Variants in BANP observed in about 807,000 individuals in gnomAD.
The protein encoded by BANP is protein BANP.
A neutral mutation model predicts 68.1 loss-of-function variants in BANP; 11 were observed. The observed-to-expected ratio is 0.16, with a 90% CI of 0.10 to 0.27. BANP has a LOEUF of 0.27. BANP is among the 10% of genes least tolerant of loss of function. The probability of loss-of-function intolerance (pLI) is 1.00; values close to 1 mark genes in which losing one functional copy is unlikely to be tolerated. For synonymous variants in BANP, 329 were observed against 303.2 expected (o/e 1.09, Z -0.88); for missense variants, 504 against 722.7 (o/e 0.70, Z 3.47).
intron 12 of BANP, 54 bp downstream of exon 12, chr16:88,065,386 C>CT (rs2152892965): frequency 2.8e-6 from 2 of 715,884 alleles, no homozygotes; most frequent in South Asian, 1.5e-5. Context: ...GGAGGAGTCT[C>CT]TGCTTTTAAA....
In BANP at chr16:88,035,331, G is replaced by A; in HGVS notation, c.1209G>A (p.Gln403=). 6.2e-7 allele frequency: 1 copy of A among 1,610,698 alleles called. No individual in the cohort carries two copies. The highest frequency in any genetic ancestry group is 8.5e-7 in the Non-Finnish European group (1 of 1,178,838). ...GTCTTTTCTTGCTGCGGATCCCACA[G>A]GGACACCTCCACATCGCCCAGGTGC... ...GEDGQVQVIP[Q]GHLHIAQVPQ... Residue 403 remains glutamine, a synonymous_variant, in exon 10 of 14, where the codon CAG becomes CAA. Coordinates refer to ENST00000682872, the MANE Select transcript of BANP (RefSeq NM_001386991.1).
At chr16:87,955,517 G>A (rs1025858420) in intron 1 of BANP, among the ~76,000 whole-genome samples, 5 of 152,174 alleles carry the variant, frequency 3.3e-5, no homozygotes, top group Non-Finnish European at 5.9e-5. Context: ...GCATTATTGC[G>A]TAAATGACAG....
intron 12 of BANP, among the ~76,000 whole-genome samples, chr16:88,070,125 A>C (rs1463340362): frequency 6.6e-6 from 1 of 152,230 alleles, no homozygotes; most frequent in Non-Finnish European, 1.5e-5. Flanking sequence ...CTATTAGAGG[A>C]ATACAGGTGA....
chr16:87,949,674 T>A (rs182563065), upstream of BANP: 1 of 151,698 alleles, frequency 6.6e-6, no homozygotes, highest in Non-Finnish European at 1.5e-5. Context: ...CTCCTTGGAG[T>A]GTTTGTAAGG....
At chr16:88,012,218 G>A (rs1225756158) in intron 6 of BANP, among the ~76,000 whole-genome samples, 3 of 152,224 alleles carry the variant, frequency 2.0e-5, no homozygotes, top group Admixed American at 1.3e-4. Flanking sequence ...GACACAGCCC[G>A]GTGCTGCCTT....
At chr16:88,049,338 G>A (rs115758008) in intron 11 of BANP, among the ~76,000 whole-genome samples, 3 of 152,262 alleles carry the variant, frequency 2.0e-5, no homozygotes, top group East Asian at 1.9e-4. Context: ...CATAGGCTAC[G>A]GGTGTGGAGA....
intron 12 of BANP, among the ~76,000 whole-genome samples, chr16:88,067,746 C>G (rs942546956): frequency 2.8e-4 from 42 of 152,168 alleles, no homozygotes; most frequent in Non-Finnish European, 4.7e-4. Context: ...TCCTGGTCCT[C>G]CACCCTTTCA....
chr16:88,067,218 C>T (rs980154082), intron 12 of BANP, among the ~76,000 whole-genome samples: 1 of 152,142 alleles, frequency 6.6e-6, no homozygotes, highest in Non-Finnish European at 1.5e-5. Flanking sequence ...GTGGAGTGGC[C>T]GACTGGCTTG....
chr16:88,027,642 G>A lies in BANP; in HGVS notation c.1055G>A (p.Cys352Tyr), dbSNP rs1232117178. The change falls in exon 8 of 14, where the codon TGC becomes TAC. Residue 352 changes from cysteine to tyrosine, a missense_variant. Cys to Tyr is a radical substitution (Grantham distance 194). Coordinates refer to ENST00000682872, the MANE Select transcript of BANP (RefSeq NM_001386991.1). Reference protein sequence around the residue: ...SRRTPNSSSYCPSEPMMSTPP... With the variant: ...SRRTPNSSSYYPSEPMMSTPP... ...AGAACGCCCAACTCGTCCTCCTACT[G>A]CCCTTCAGGTAGGCCTCGTGCTGCA... The A allele has an allele frequency of 1.2e-6, 2 of 1,613,136 alleles. No homozygotes were observed. Among genetic ancestry groups the A allele is most frequent in the African/African-American group, 2.7e-5 (2 of 74,910 alleles).
intron 8 of BANP, among the ~76,000 whole-genome samples, chr16:88,028,713 T>C (rs560947213): frequency 1.3e-4 from 20 of 152,244 alleles, no homozygotes; most frequent in Non-Finnish European, 2.8e-4. Context: ...TGTAGCAGCG[T>C]AACCTGTGGC....
At position 88,058,541 on chromosome 16, in the gene BANP, T is replaced by TGACA. The variant is rs150989004; in HGVS notation, c.1312-6724_1312-6721dup. 5.6e-3 allele frequency among the ~76,000 whole-genome samples: 859 copies of TGACA among 152,298 alleles called. 11 individuals carry two copies. The highest frequency in any genetic ancestry group is 0.02 in the African/African-American group (811 of 41,550). On this transcript the variant is annotated intron_variant, in intron 11 of 13. Coordinates refer to ENST00000682872, the MANE Select transcript of BANP (RefSeq NM_001386991.1). The stretch of plus-strand genomic sequence containing the variant: ...GGGATTCCTCTTCACTCTGACCACC[T>TGACA]GACAGGCTGTTTCCTCTCACACAGG...
chr16:88,035,235 A>T lies in BANP; in HGVS notation c.1201-88A>T, dbSNP rs538066065. ...TATCTTTTTGAATTGTAAACAGATA[A>T]TCAAGAACAAACATTCCGGAAGATG... is the stretch of plus-strand genomic sequence containing the variant. On this transcript the variant is annotated intron_variant, in intron 9 of 13. Transcript: ENST00000682872. 1.4e-4 allele frequency: 165 copies of T among 1,207,716 alleles called. No individual in the cohort carries two copies. In the African/African-American group the frequency reaches 2.3e-3, roughly 17 times the overall value. The allele number at this position is 1,207,716 out of a possible 1,614,324, so 74.8% of individuals were successfully genotyped here.
At position 87,975,174 on chromosome 16, in the gene BANP, C is replaced by G. The variant is rs758690386; in HGVS notation, c.59C>G (p.Pro20Arg). The change falls in exon 2 of 14, where the codon CCT becomes CGT. Residue 20 changes from proline to arginine, a missense_variant. Physicochemically the swap from Pro to Arg is moderately radical, Grantham distance 103. Transcript: ENST00000682872. ...VVQIAVEDLS[P>R]DHPVVLENHV... The stretch of plus-strand genomic sequence containing the variant: ...CAGATTGCAGTGGAAGACCTGAGCC[C>G]TGACCACCCAGGTACAGAGCTGTGG... 16 of 1,614,034 alleles carry G rather than the reference C, an allele frequency of 9.9e-6. No individual in the cohort carries two copies. The highest frequency in any genetic ancestry group is 1.6e-4 in the Middle Eastern group (1 of 6,084).
chr16:88,050,792 A>G (rs1037415516), intron 11 of BANP, among the ~76,000 whole-genome samples: 1 of 152,026 alleles, frequency 6.6e-6, no homozygotes, highest in Admixed American at 6.6e-5. Flanking sequence ...GGTTCAAGCA[A>G]TCCTCCCACC....
intron 11 of BANP, among the ~76,000 whole-genome samples, chr16:88,052,355 C>T (rs1598894803): frequency 6.6e-6 from 1 of 152,274 alleles, no homozygotes; most frequent in Non-Finnish European, 1.5e-5. Context: ...TCTCCTATGT[C>T]TTCACCTGTC....
chr16:87,967,913 G>A (rs2060368469), intron 1 of BANP, among the ~76,000 whole-genome samples: 1 of 151,780 alleles, frequency 6.6e-6, no homozygotes, highest in Non-Finnish European at 1.5e-5. Context: ...GAGCCACCGT[G>A]CCTGGCCTTT....
At chr16:88,012,919 T>G (rs775472371) in intron 6 of BANP, among the ~76,000 whole-genome samples, 6 of 151,866 alleles carry the variant, frequency 4.0e-5, no homozygotes, top group Non-Finnish European at 5.9e-5. Context: ...GATTTTTAAA[T>G]CATCGTTTTG....
At chr16:88,060,810 G>T (rs996070261) in intron 11 of BANP, among the ~76,000 whole-genome samples, 1 of 152,148 alleles carries the variant, frequency 6.6e-6, no homozygotes, top group Non-Finnish European at 1.5e-5. Flanking sequence ...TTGTGCACGC[G>T]TCATGCAGAT....
chr16:88,022,059 A>AC (rs1358180252), intron 7 of BANP, among the ~76,000 whole-genome samples: 1 of 151,838 alleles, frequency 6.6e-6, no homozygotes, highest in Admixed American at 6.6e-5. Flanking sequence ...GGATTGGTGG[A>AC]CCCCCCGAAT....
Sources: allele counts gnomAD v4.1 joint callset (sites outside exome capture counted in the v4.1 genomes callset), GRCh38; gene constraint gnomAD v4.1.1; transcripts MANE v1.5; gene names NCBI Gene and HGNC (gene_info 2026-07-23, HGNC 2026-07-21).